The following PDE4C variants were observed in gnomAD, a reference collection of about 807,000 sequenced individuals.
PDE4C encodes the protein 3',5'-cyclic-AMP phosphodiesterase 4C.
Under a neutral mutation model 63.9 loss-of-function variants are expected in PDE4C, and 50 were observed. That is an observed-to-expected ratio of 0.78 (90% CI 0.62 to 0.99). The LOEUF (loss-of-function observed/expected upper bound fraction) is 0.99. Ranked by LOEUF, PDE4C falls within the 50% of genes least tolerant of loss-of-function variation. The probability of loss-of-function intolerance (pLI) is 0.00; values close to 1 mark genes in which losing one functional copy is unlikely to be tolerated. For missense variants in PDE4C, 777 were observed against 899.1 expected, an observed-to-expected ratio of 0.86 and a Z score of 1.74; for synonymous variants, 377 against 385.1, an observed-to-expected ratio of 0.98 and a Z score of 0.25.
At chr19:18,253,354 G>A in the PDE4C span, among the ~76,000 whole-genome samples, 1 of 152,102 alleles carries the variant, frequency 6.6e-6, no homozygotes, top group Non-Finnish European at 1.5e-5. Context: ...CTGCACTCCT[G>A]CCTGGGAGAC....
At chr19:18,224,589 C>T (rs1292592625) in intron 1 of PDE4C, 10 of 865,100 alleles carry the variant, frequency 1.2e-5, no homozygotes, top group Non-Finnish European at 1.4e-5. Context: ...CGAGCTTGTT[C>T]GCCTAAGTCC....
chr19:18,230,816 G>C (rs1211332060), upstream of PDE4C, among the ~76,000 whole-genome samples: 1 of 152,092 alleles, frequency 6.6e-6, no homozygotes, highest in Non-Finnish European at 1.5e-5. Flanking sequence ...TTCTCCACCT[G>C]GTATGAGTGT....
intron 2 of PDE4C, among the ~76,000 whole-genome samples, chr19:18,221,752 G>A (rs1968494282): frequency 6.6e-6 from 1 of 152,070 alleles, no homozygotes; most frequent in South Asian, 2.1e-4. Context: ...AGCCTCCTGA[G>A]TAGCTGGGAC....
At position 18,226,452 on chromosome 19, in the gene PDE4C, T is replaced by A. The variant is rs982146223; in HGVS notation, c.-37A>T. 4 of 1,352,926 alleles carry A rather than the reference T, an allele frequency of 3.0e-6. No homozygotes were observed. In the African/African-American group the frequency reaches 6.2e-5, roughly 21 times the overall value. The allele number at this position is 1,352,926 out of a possible 1,614,324, so 83.8% of individuals were successfully genotyped here. A position where few individuals can be genotyped will look rare whatever the true frequency, so the allele number is the denominator to read the frequency against. On this transcript the variant is annotated 5_prime_UTR_variant, in exon 1 of 15. Transcript: ENST00000262805. ...CGTGGAGGCTGGACCGAGCGCCGGC[T>A]GCGCGGGACCTTTTCTGGACAGCTG...
At chr19:18,211,862 C>T (rs1326213719) in exon 14 of PDE4C, 5 of 1,614,122 alleles carry the variant, frequency 3.1e-6, no homozygotes, top group African/African-American at 1.3e-5. Context: ...GGCCATGATG[C>T]GGTCCGTCCA....
exon 8 of PDE4C, chr19:18,219,316 C>T (rs749047957): frequency 6.2e-7 from 1 of 1,614,110 alleles, no homozygotes; most frequent in East Asian, 2.2e-5. Context: ...GTGGCAGAGC[C>T]CATGTAGGCC....
intron 1 of PDE4C, among the ~76,000 whole-genome samples, chr19:18,223,130 C>T (rs1396579624): frequency 1.3e-5 from 2 of 152,062 alleles, no homozygotes; most frequent in Admixed American, 6.6e-5. Flanking sequence ...GCAACCTCCA[C>T]CTCCCGGGTT....
At chr19:18,242,806 G>T (rs1969066180) in intron 1 of PDE4C, among the ~76,000 whole-genome samples, 2 of 151,402 alleles carry the variant, frequency 1.3e-5, no homozygotes, top group African/African-American at 4.9e-5. Context: ...AAAAAAAAGG[G>T]AATTGGGAGC....
chr19:18,238,592 CAT>C (rs1280067750), upstream of PDE4C, among the ~76,000 whole-genome samples: 1 of 152,032 alleles, frequency 6.6e-6, no homozygotes, highest in Non-Finnish European at 1.5e-5. Context: ...ATTTTTATAA[CAT>C]ATTATATGCT....
At chr19:18,229,277 G>A (rs1328709200), upstream of PDE4C, among the ~76,000 whole-genome samples, 2 of 151,704 alleles carry the variant, frequency 1.3e-5, no homozygotes, top group Non-Finnish European at 2.9e-5. Context: ...GTTTCACTCT[G>A]TCGCCCAGGG....
At chr19:18,239,924 G>A (rs935340759) in intron 1 of PDE4C, among the ~76,000 whole-genome samples, 10 of 151,874 alleles carry the variant, frequency 6.6e-5, no homozygotes, top group Admixed American at 5.9e-4. Context: ...TACTTGGGAC[G>A]CTGAGGAAGC....
intron 1 of PDE4C, among the ~76,000 whole-genome samples, chr19:18,243,564 C>T (rs1042324765): frequency 2.0e-5 from 3 of 152,116 alleles, no homozygotes; most frequent in Non-Finnish European, 4.4e-5. Context: ...TCACATGAGT[C>T]CCAGATGGAG....
intron 2 of PDE4C, 45 bp downstream of exon 2, chr19:18,222,087 G>A (rs760347845): frequency 4.6e-6 from 7 of 1,512,246 alleles, no homozygotes; most frequent in Non-Finnish European, 6.4e-6. Context: ...AACAAAGGAA[G>A]GAGGGAGGGT....
In PDE4C at chr19:18,220,481, T is replaced by A; in HGVS notation, c.534A>T (p.Leu178=). 6.2e-7 allele frequency: 1 copy of A among 1,614,134 alleles called. No individual in the cohort carries two copies. Among genetic ancestry groups the A allele is most frequent in the South Asian group, 1.1e-5 (1 of 91,076 alleles). The change falls in exon 6 of 15, where the codon CTA becomes CTT. Residue 178 remains leucine (L), a synonymous_variant. Coordinates refer to ENST00000262805, the Ensembl canonical transcript of PDE4C. The surrounding 1 kb of genome is among the most constrained non-coding windows in gnomAD (Gnocchi z 5.1). ...GATCCAGGCACCAGTCCAGCTCGTC[T>A]AGCGTCTCCAATGCCAGCTTCTGCC... is the stretch of plus-strand genomic sequence containing the variant.
At chr19:18,214,807 G>A (rs1041642477) in intron 12 of PDE4C, among the ~76,000 whole-genome samples, 6 of 151,852 alleles carry the variant, frequency 4.0e-5, no homozygotes, top group Admixed American at 6.6e-5. Flanking sequence ...AAAATTAGCC[G>A]GGTGTGGTGG....
At chr19:18,226,468 T>A in exon 1 of PDE4C, 1 of 1,322,940 alleles carries the variant, frequency 7.6e-7, no homozygotes. Flanking sequence ...GGACCTTTTC[T>A]GGACAGCTGC....
rs533233671 is a variant in PDE4C, at chr19:18,241,002, C to T, written c.-210+7169G>A. Among the ~76,000 whole-genome samples, 8 of 152,190 alleles carry T rather than the reference C, an allele frequency of 5.3e-5. No homozygotes were observed. The South Asian group carries it at 1.0e-3, about 20-fold the overall frequency. The stretch of plus-strand genomic sequence containing the variant: ...GCTTGAGCCACGCTCAGATCTCATC[C>T]TTCTAGGACTGTTCCCCGCATTTGA... On this transcript the variant is annotated intron_variant, in intron 1 of 15. Transcript: ENST00000594617.
intron 12 of PDE4C, among the ~76,000 whole-genome samples, 163 bp from the exon 13 acceptor site, chr19:18,213,653 C>T (rs1968068445): frequency 6.6e-6 from 1 of 152,254 alleles, no homozygotes; most frequent in African/African-American, 2.4e-5. Flanking sequence ...AAACTCTGCT[C>T]AAAAGAGGGG....
intron 1 of PDE4C, chr19:18,224,293 G>T (rs569339240): frequency 1.0e-6 from 1 of 985,468 alleles, no homozygotes; most frequent in South Asian, 4.7e-5. Context: ...AGACAACCGG[G>T]ACCGCCTGAG....
Sources: allele counts gnomAD v4.1 joint callset (sites outside exome capture counted in the v4.1 genomes callset), GRCh38; gene constraint gnomAD v4.1.1; non-coding constraint Gnocchi (gnomAD v3.1); transcripts MANE v1.5; gene names NCBI Gene and HGNC (gene_info 2026-07-23, HGNC 2026-07-21).